The following KCNIP1 variants were observed in gnomAD, a reference collection of about 807,000 sequenced individuals.
KCNIP1 encodes the protein A-type potassium channel modulatory protein KCNIP1.
Under a neutral mutation model 33.0 loss-of-function variants are expected in KCNIP1, and 18 were observed. The ratio of observed to expected loss-of-function variants is 0.55; its 90% CI spans 0.38 to 0.81. KCNIP1 has a LOEUF of 0.81. KCNIP1 is among the 30% of genes least tolerant of loss of function. The probability of loss-of-function intolerance (pLI) is 0.00; values close to 1 mark genes in which losing one functional copy is unlikely to be tolerated. For synonymous variants in KCNIP1, 93 were observed against 98.3 expected (o/e 0.95, Z 0.32); for missense variants, 238 against 271.6 (o/e 0.88, Z 0.87).
intron 1 of KCNIP1, among the ~76,000 whole-genome samples, chr5:170,550,029 G>C (rs145140523): frequency 6.6e-6 from 1 of 152,162 alleles, no homozygotes; most frequent in Non-Finnish European, 1.5e-5. Flanking sequence ...CATGGAGCTT[G>C]TAGGAGCATT....
intron 1 of KCNIP1, among the ~76,000 whole-genome samples, chr5:170,591,823 CTT>C (rs746161904): frequency 2.1e-4 from 32 of 152,186 alleles, no homozygotes; most frequent in Non-Finnish European, 4.0e-4. Flanking sequence ...ATATACCACA[CTT>C]TGTTTATCCA....
intron 1 of KCNIP1, among the ~76,000 whole-genome samples, chr5:170,597,772 G>A (rs781371316): frequency 9.1e-4 from 110 of 120,810 alleles, no homozygotes; most frequent in Admixed American, 2.2e-3. Flanking sequence ...TCTGATGCTG[G>A]AGAGAGAGAT....
chr5:170,679,551 C>T (rs1762256757), intron 1 of KCNIP1, among the ~76,000 whole-genome samples: 2 of 151,828 alleles, frequency 1.3e-5, no homozygotes, highest in South Asian at 4.2e-4. Context: ...GAACCCAGTT[C>T]CTCAGTTCTC....
At chr5:170,663,796 C>T (rs941564085) in intron 1 of KCNIP1, among the ~76,000 whole-genome samples, 24 of 152,014 alleles carry the variant, frequency 1.6e-4, no homozygotes, top group African/African-American at 5.1e-4. Flanking sequence ...TCCCACCTAC[C>T]ATGGCCCAGC....
chr5:170,413,204 G>A (rs572506483), intron 1 of KCNIP1, among the ~76,000 whole-genome samples: 8 of 152,308 alleles, frequency 5.3e-5, no homozygotes, highest in South Asian at 2.1e-4. Context: ...TTCCTGTGCC[G>A]ACCTGCATTG....
chr5:170,649,815 G>A (rs550335352), intron 1 of KCNIP1, among the ~76,000 whole-genome samples: 5 of 152,314 alleles, frequency 3.3e-5, no homozygotes, highest in African/African-American at 1.2e-4. Context: ...GCAGGAGGGA[G>A]GCAAGGTGAT....
At chr5:170,721,379 C>T (rs1763814975) in intron 3 of KCNIP1, among the ~76,000 whole-genome samples, 1 of 152,170 alleles carries the variant, frequency 6.6e-6, no homozygotes, top group African/African-American at 2.4e-5. Context: ...GGTCTTGCTA[C>T]ATCCCATTGT....
intron 1 of KCNIP1, among the ~76,000 whole-genome samples, chr5:170,657,725 G>T (rs1761325932): frequency 6.6e-6 from 1 of 152,226 alleles, no homozygotes; most frequent in Admixed American, 6.5e-5. Context: ...AGCTGCTGCT[G>T]TAAGAGTGCA....
At chr5:170,713,702 C>T (rs912599941) in intron 1 of KCNIP1, among the ~76,000 whole-genome samples, 2 of 152,104 alleles carry the variant, frequency 1.3e-5, no homozygotes, top group African/African-American at 4.8e-5. Flanking sequence ...ACACTCAAGC[C>T]GAGGATCACT....
intron 1 of KCNIP1, among the ~76,000 whole-genome samples, chr5:170,386,245 T>C (rs1764467365): frequency 6.6e-6 from 1 of 151,944 alleles, no homozygotes; most frequent in South Asian, 2.1e-4. Flanking sequence ...TGAAGGGAGA[T>C]TAAACAGATG....
intron 1 of KCNIP1, among the ~76,000 whole-genome samples, chr5:170,674,974 T>C (rs940881344): frequency 8.6e-5 from 10 of 115,888 alleles, no homozygotes; most frequent in African/African-American, 3.9e-4. Context: ...GGTTTTGTTT[T>C]GTTTTTTTTT....
At chr5:170,518,137 A>G (rs994560495) in intron 1 of KCNIP1, among the ~76,000 whole-genome samples, 1 of 147,552 alleles carries the variant, frequency 6.8e-6, no homozygotes, top group Admixed American at 6.8e-5. Context: ...TGGTGATGAT[A>G]GCAGTAGGGC....
chr5:170,715,152 G>A (rs1430483543), intron 1 of KCNIP1, among the ~76,000 whole-genome samples: 1 of 152,096 alleles, frequency 6.6e-6, no homozygotes, highest in African/African-American at 2.4e-5. Context: ...TTACCATTGT[G>A]TTACAATTGC....
chr5:170,599,704 T>C (rs939492541), intron 1 of KCNIP1, among the ~76,000 whole-genome samples: 2 of 151,040 alleles, frequency 1.3e-5, no homozygotes, highest in Admixed American at 6.6e-5. Context: ...GTCAGAACAC[T>C]GGCAGAAGAG....
In KCNIP1 at chr5:170,381,070, T is replaced by C. The variant is rs79235505; in HGVS notation, c.88+27106T>C. Among the ~76,000 whole-genome samples the C allele has an allele frequency of 6.7e-3, 1,014 of 152,362 alleles. 4 individuals carry two copies. Among genetic ancestry groups the C allele is most frequent in the Non-Finnish European group, 0.011 (750 of 68,030 alleles). On this transcript the variant is annotated intron_variant, in intron 1 of 7. Transcript: ENST00000377360. ...CTTTACCTTCTTAAAAAGAGGTCTA[T>C]GGATGAGCTCTGAAGTAGAGGCTTC...
At chr5:170,620,842 C>T (rs1373733631) in intron 1 of KCNIP1, among the ~76,000 whole-genome samples, 1 of 152,194 alleles carries the variant, frequency 6.6e-6, no homozygotes, top group Non-Finnish European at 1.5e-5. Flanking sequence ...TCTGCCCCCT[C>T]TTAAATCATT....
At chr5:170,588,289 C>T (rs1010113109) in intron 1 of KCNIP1, among the ~76,000 whole-genome samples, 13 of 152,258 alleles carry the variant, frequency 8.5e-5, no homozygotes, top group African/African-American at 2.9e-4. Flanking sequence ...CAGTCAGTCA[C>T]CTGAGGCCAC....
intron 1 of KCNIP1, among the ~76,000 whole-genome samples, chr5:170,613,273 G>A (rs1377651289): frequency 1.3e-5 from 2 of 152,200 alleles, no homozygotes; most frequent in Non-Finnish European, 2.9e-5. Context: ...TCCATCCATT[G>A]AGCCTGTGAG....
intron 1 of KCNIP1, among the ~76,000 whole-genome samples, chr5:170,593,850 T>A (rs1482616649): frequency 6.6e-6 from 1 of 152,154 alleles, no homozygotes; most frequent in African/African-American, 2.4e-5. Flanking sequence ...TTTGGGGGCC[T>A]TCCCTTCCCA....
Sources: allele counts gnomAD v4.1 joint callset (sites outside exome capture counted in the v4.1 genomes callset), GRCh38; gene constraint gnomAD v4.1.1; transcripts MANE v1.5; gene names NCBI Gene and HGNC (gene_info 2026-07-23, HGNC 2026-07-21).